The following DYNC2H1 variants were observed in gnomAD, a reference collection of about 807,000 sequenced individuals.
DYNC2H1 encodes dynein cytoplasmic 2 heavy chain 1, also known as cytoplasmic dynein 2 heavy chain 1.
Under a neutral mutation model 570.0 loss-of-function variants are expected in DYNC2H1, and 410 were observed. The ratio of observed to expected loss-of-function variants is 0.72; its 90% CI spans 0.66 to 0.78. The LOEUF is 0.78. DYNC2H1 is among the 30% of genes least tolerant of loss of function. DYNC2H1 has a pLI of 0.00. For synonymous variants in DYNC2H1, 1,688 were observed against 1,677.6 expected (o/e 1.01, Z -0.15); for missense variants, 4,865 against 5,046.4 (o/e 0.96, Z 1.09).
At position 103,236,444 on chromosome 11, in the gene DYNC2H1, A is replaced by G; in HGVS notation, c.9724A>G (p.Arg3242Gly). The G allele has an allele frequency of 6.3e-7, 1 of 1,599,546 alleles. No individual in the cohort carries two copies. Among genetic ancestry groups the G allele is most frequent in the Non-Finnish European group, 8.6e-7 (1 of 1,167,616 alleles). ...CAACTTTTCAGAATTTGATCTGAGG[A>G]GATTTCTTTGTACTGAAAGTGAGCA... ...SAGLEKFDLRRFLCTESEQLI... is the reference protein window; with the variant it reads ...SAGLEKFDLRGFLCTESEQLI... The change falls in exon 63 of 89, where the codon AGA (arginine) becomes GGA (glycine). Residue 3242 changes from arginine (R) to glycine (G), a missense_variant. Physicochemically the swap from Arg to Gly is moderately radical, Grantham distance 125 (BLOSUM62 -2). This residue lies in a region of DYNC2H1 where 2,401 missense variants were observed against 2,454.6 expected (regional missense o/e 0.98). Transcript: ENST00000375735.
intron 57 of DYNC2H1, 134 bp from the exon 58 acceptor site, chr11:103,221,896 T>G: frequency 1.2e-6 from 1 of 851,426 alleles, no homozygotes; most frequent in Non-Finnish European, 1.8e-6. Flanking sequence ...ATTAGAAGCT[T>G]AAAGGTTTTA....
chr11:103,329,676 A>G (rs1030560143), intron 82 of DYNC2H1, among the ~76,000 whole-genome samples: 5 of 144,602 alleles, frequency 3.5e-5, no homozygotes, highest in African/African-American at 1.3e-4. Context: ...AGGGTAGAGC[A>G]TGTATTTTTC....
intron 20 of DYNC2H1, among the ~76,000 whole-genome samples, chr11:103,150,939 A>G (rs1860501940): frequency 6.6e-6 from 1 of 152,204 alleles, no homozygotes; most frequent in Non-Finnish European, 1.5e-5. Context: ...CATGTGAGCC[A>G]TATCAGGGAC....
At chr11:103,165,841 T>A in intron 30 of DYNC2H1, 57 bp from the exon 31 acceptor site, 1 of 1,359,810 alleles carries the variant, frequency 7.4e-7, no homozygotes, top group Non-Finnish European at 9.7e-7. Context: ...TTTAAATTTA[T>A]AAAATATTTC....
chr11:103,282,020 C>T, intron 71 of DYNC2H1, 159 bp from the exon 72 acceptor site: 2 of 498,056 alleles, frequency 4.0e-6, no homozygotes. Context: ...CACATTAATT[C>T]ATTCTTGATA....
chr11:103,200,436 C>T (rs1224861827), intron 50 of DYNC2H1, among the ~76,000 whole-genome samples: 2 of 152,040 alleles, frequency 1.3e-5, no homozygotes, highest in Admixed American at 1.3e-4. Flanking sequence ...TCTGTTATAA[C>T]CTTTGGGAAA....
chr11:103,441,269 C>T (rs1944259143), intron 85 of DYNC2H1, among the ~76,000 whole-genome samples: 1 of 151,984 alleles, frequency 6.6e-6, no homozygotes. Flanking sequence ...TGCAAGGAAG[C>T]TTCCTTACCT....
At chr11:103,436,506 G>T (rs1480759912) in intron 85 of DYNC2H1, among the ~76,000 whole-genome samples, 2 of 151,478 alleles carry the variant, frequency 1.3e-5, no homozygotes, top group Non-Finnish European at 2.9e-5. Context: ...CAGGTTAGTT[G>T]ATGCAAACAA....
intron 88 of DYNC2H1, among the ~76,000 whole-genome samples, chr11:103,473,161 A>C (rs1326577586): frequency 1.3e-5 from 2 of 152,208 alleles, no homozygotes; most frequent in African/African-American, 4.8e-5. Context: ...GGAATGATGA[A>C]TTCAAGGAAA....
rs980420490 is a variant in DYNC2H1, at chr11:103,433,315, G to A, written c.12367-2628G>A. Among the ~76,000 whole-genome samples, 5 of 103,158 alleles carry A rather than the reference G, an allele frequency of 4.8e-5. No individual in the cohort carries two copies. The Admixed American group carries it at 5.8e-4, about 12-fold the overall frequency. The allele number at this position is 103,158 out of a possible 152,430, so 67.7% of individuals were successfully genotyped here. ...TGTAGATAGTAAATAATTGCTGAAT[G>A]GATGAATAATGACTTAAACATCTAT... On this transcript the variant is annotated intron_variant, in intron 84 of 88. Coordinates refer to ENST00000375735, the MANE Select transcript of DYNC2H1 (RefSeq NM_001377.3).
chr11:103,144,765 G>A (rs2134837016), intron 18 of DYNC2H1, among the ~76,000 whole-genome samples: 1 of 152,058 alleles, frequency 6.6e-6, no homozygotes, highest in Admixed American at 6.5e-5. Flanking sequence ...CAGTACCAAA[G>A]CTGTTCGTTA....
intron 87 of DYNC2H1, among the ~76,000 whole-genome samples, chr11:103,457,609 TATAA>T (rs1412839037): frequency 9.2e-5 from 14 of 152,126 alleles, no homozygotes; most frequent in Admixed American, 2.6e-4. Context: ...TTTTGACTCT[TATAA>T]ATAACACTTA....
rs776705698 is a variant in DYNC2H1 at position 103,176,351 on chromosome 11, T to A, written c.5791T>A (p.Leu1931Met). 6.7e-5 allele frequency: 107 copies of A among 1,590,126 alleles called. No homozygotes were observed. The highest frequency in any genetic ancestry group is 8.9e-5 in the Non-Finnish European group (104 of 1,168,300). The change falls in exon 37 of 89, where the codon TTG (leucine) becomes ATG (methionine). Residue 1931 changes from leucine (L) to methionine (M), a missense_variant. Around this residue, in one of 5 missense-constraint regions of DYNC2H1, gnomAD observed 292 missense variants for 300.2 expected, o/e 0.97. Transcript: ENST00000375735. ...AAAAGATGTCTTTCCGGGAATTGAA[T>A]TGAAAGAAGTGGAATATGATGAACT... ...LIKDVFPGIE[L>M]KEVEYDELSA...
intron 84 of DYNC2H1, among the ~76,000 whole-genome samples, chr11:103,428,942 G>A (rs1011375407): frequency 1.3e-5 from 2 of 152,014 alleles, no homozygotes; most frequent in African/African-American, 4.8e-5. Context: ...AATCTCTTAA[G>A]ATAACAAGCA....
In DYNC2H1 at chr11:103,294,359, G is replaced by A. The variant is rs892707406; in HGVS notation, c.11095+6754G>A. 3.0e-4 allele frequency among the ~76,000 whole-genome samples: 46 copies of A among 152,070 alleles called. 3 individuals carry two copies. The highest frequency in any genetic ancestry group is 2.1e-4 in the South Asian group (1 of 4,830). ...GTTTTTACCTATTCTTCTTGAGAGG[G>A]CTTTCTAGGAATCCAAAGGAGACTG... On this transcript the variant is annotated intron_variant, in intron 75 of 88. Transcript: ENST00000375735.
intron 73 of DYNC2H1, among the ~76,000 whole-genome samples, chr11:103,285,511 C>T (rs1866315516): frequency 6.6e-6 from 1 of 150,840 alleles, no homozygotes. Flanking sequence ...CAACTTCTGC[C>T]TCCCGAGTTC....
chr11:103,286,263 C>T lies in DYNC2H1; in HGVS notation c.10899C>T (p.Leu3633=), dbSNP rs1183081361. The part of the protein sequence containing the change: ...SWAVATLKIA[L]PSLYQTLCFE... ...CCATTTTTATTTTTTAGATTGCTCT[C>T]CCCAGTCTTTATCAGACCCTCTGCT... is the stretch of plus-strand genomic sequence containing the variant. Residue 3633 remains leucine, a synonymous_variant, in exon 74 of 89, where the codon CTC becomes CTT. Transcript: ENST00000375735. 2.5e-6 allele frequency: 4 copies of T among 1,613,244 alleles called. No individual in the cohort carries two copies. The highest frequency in any genetic ancestry group is 3.4e-6 in the Non-Finnish European group (4 of 1,179,696).
At position 103,188,584 on chromosome 11, in the gene DYNC2H1, G is replaced by A; in HGVS notation, c.7228G>A (p.Gly2410Arg). The change falls in exon 44 of 89, where the codon GGA becomes AGA. Residue 2410 changes from glycine (G) to arginine (R), a missense_variant. Transcript: ENST00000375735. ...AATTGTGGCTTCTATGTCAGCTGGA[G>A]GAAGACTGGGAAGACATAAACTTAC... ...IQIVASMSAG[G>R]RLGRHKLTTR... 1 of 1,610,624 alleles carries A rather than the reference G, an allele frequency of 6.2e-7. No homozygotes were observed. Among genetic ancestry groups the A allele is most frequent in the Admixed American group, 1.7e-5 (1 of 59,826 alleles).
chr11:103,370,280 A>G (rs1262896220), intron 83 of DYNC2H1, among the ~76,000 whole-genome samples: 1 of 152,248 alleles, frequency 6.6e-6, no homozygotes, highest in African/African-American at 2.4e-5. Context: ...TTGTGGTTTG[A>G]GTGGCACAAT....
Sources: gnomAD v4.1 joint callset for allele counts (sites outside exome capture counted in the v4.1 genomes callset) on GRCh38, gnomAD v4.1.1 for gene constraint, gnomAD v4.1.1 regional missense constraint, MANE v1.5 for transcripts, NCBI Gene and HGNC (gene_info 2026-07-23, HGNC 2026-07-21) for gene names.